SLC25A21: variants seen among roughly 807,000 people sequenced by gnomAD.
SLC25A21 encodes solute carrier family 25 member 21.
Under a neutral mutation model 43.8 loss-of-function variants are expected in SLC25A21, and 47 were observed. The ratio of observed to expected loss-of-function variants is 1.07; its 90% CI spans 0.85 to 1.37. SLC25A21 has a LOEUF of 1.37. SLC25A21 is among the 40% of genes most tolerant of loss of function. SLC25A21 has a pLI of 0.00. For missense variants in SLC25A21, 352 were observed against 350.2 expected (o/e 1.00, Z -0.04); for synonymous variants, 131 against 121.3 (o/e 1.08, Z -0.52).
intron 1 of SLC25A21, among the ~76,000 whole-genome samples, chr14:37,122,203 C>T (rs573350948): frequency 1.3e-5 from 2 of 152,234 alleles, no homozygotes; most frequent in East Asian, 3.9e-4. Context: ...GGAAAATATG[C>T]TTTAGGTTAA....
intron 1 of SLC25A21, among the ~76,000 whole-genome samples, chr14:37,069,295 T>G (rs372178881): frequency 1.3e-4 from 20 of 152,360 alleles, no homozygotes; most frequent in African/African-American, 4.8e-4. Flanking sequence ...AGCACCCATC[T>G]GCACCCACCA....
At chr14:37,080,213 G>A (rs1884777) in intron 1 of SLC25A21, among the ~76,000 whole-genome samples, 37,351 of 152,092 alleles carry the variant, frequency 0.25, 9,635 homozygotes, top group African/African-American at 0.65. Flanking sequence ...AATGCTCAAA[G>A]AAACCCTAAC....
chr14:36,857,255 A>C (rs1443524916), intron 2 of SLC25A21, among the ~76,000 whole-genome samples: 1 of 152,198 alleles, frequency 6.6e-6, no homozygotes, highest in Non-Finnish European at 1.5e-5. Context: ...GGCAGGCCCA[A>C]CACTGGAAAC....
rs371723978 is a variant in SLC25A21, at chr14:36,687,915, T to C, written c.604-2990A>G. Among the ~76,000 whole-genome samples, 268 of 152,312 alleles carry C rather than the reference T, an allele frequency of 1.8e-3. 1 individual carries two copies. Among genetic ancestry groups the C allele is most frequent in the African/African-American group, 6.3e-3 (260 of 41,574 alleles). ...AGATCTGCTTTTGGTATCTCCCTAC[T>C]CAAAGACCCTCCATACTTCCTGGAT... On this transcript the variant is annotated intron_variant, in intron 7 of 9. Transcript: ENST00000331299.
chr14:36,686,473 CTCTGATG>C, intron 7 of SLC25A21, among the ~76,000 whole-genome samples: 1 of 152,264 alleles, frequency 6.6e-6, no homozygotes, highest in East Asian at 1.9e-4. Context: ...GTTGTCTGAC[CTCTGATG>C]AGTCACTGAA....
chr14:37,108,675 C>T (rs1032972075), intron 1 of SLC25A21, among the ~76,000 whole-genome samples: 7 of 151,104 alleles, frequency 4.6e-5, no homozygotes, highest in African/African-American at 1.7e-4. Flanking sequence ...CACCTACATA[C>T]TGGGAATTAA....
chr14:36,912,804 A>G (rs1891729087), intron 1 of SLC25A21, among the ~76,000 whole-genome samples: 2 of 152,240 alleles, frequency 1.3e-5, no homozygotes, highest in South Asian at 4.1e-4. Flanking sequence ...TTAGGTGCCC[A>G]TCTTATCTTG....
intron 1 of SLC25A21, among the ~76,000 whole-genome samples, chr14:37,037,697 A>G (rs1566832785): frequency 6.6e-6 from 1 of 152,054 alleles, no homozygotes; most frequent in Non-Finnish European, 1.5e-5. Flanking sequence ...TATTCTTTAC[A>G]TATTTCACAT....
chr14:36,776,238 C>CT (rs35856297), intron 3 of SLC25A21, among the ~76,000 whole-genome samples: 46,209 of 89,560 alleles, frequency 0.52, 13,848 homozygotes, highest in Non-Finnish European at 0.6. Context: ...TTCTTTCTTT[C>CT]TTTTTTTTTT....
At chr14:37,011,706 T>G (rs914808236) in intron 1 of SLC25A21, among the ~76,000 whole-genome samples, 2 of 152,188 alleles carry the variant, frequency 1.3e-5, no homozygotes, top group Non-Finnish European at 1.5e-5. Flanking sequence ...TGCAAGCATT[T>G]GATATATAGG....
intron 3 of SLC25A21, among the ~76,000 whole-genome samples, chr14:36,737,646 T>C (rs1421495293): frequency 6.6e-6 from 1 of 152,218 alleles, no homozygotes; most frequent in Non-Finnish European, 1.5e-5. Context: ...TGCTGAGGAC[T>C]GCCCCATCAA....
chr14:37,016,734 G>A (rs937118985), intron 1 of SLC25A21, among the ~76,000 whole-genome samples: 14 of 152,052 alleles, frequency 9.2e-5, no homozygotes, highest in African/African-American at 2.7e-4. Flanking sequence ...CATCTACATC[G>A]AAAATCTATT....
At chr14:36,710,941 C>T (rs1163687116) in intron 7 of SLC25A21, among the ~76,000 whole-genome samples, 2 of 152,150 alleles carry the variant, frequency 1.3e-5, no homozygotes, top group Non-Finnish European at 2.9e-5. Flanking sequence ...AAGCTTTCAA[C>T]TTTCTTGAGA....
intron 1 of SLC25A21, among the ~76,000 whole-genome samples, chr14:36,896,999 A>C (rs1179683720): frequency 6.6e-6 from 1 of 152,162 alleles, no homozygotes; most frequent in African/African-American, 2.4e-5. Context: ...ACTTTGGTGA[A>C]TCTGACAATT....
chr14:36,695,255 G>A (rs1254643090), intron 7 of SLC25A21, among the ~76,000 whole-genome samples: 1 of 152,154 alleles, frequency 6.6e-6, no homozygotes, highest in Non-Finnish European at 1.5e-5. Context: ...CCTCTGTTCT[G>A]TTCCATTGGT....
chr14:37,132,643 T>C (rs1738705884), intron 1 of SLC25A21, among the ~76,000 whole-genome samples: 1 of 152,138 alleles, frequency 6.6e-6, no homozygotes, highest in African/African-American at 2.4e-5. Flanking sequence ...TTCAAATTCA[T>C]GTCTCTTTCT....
intron 1 of SLC25A21, among the ~76,000 whole-genome samples, chr14:36,972,986 C>T (rs1959785400): frequency 1.3e-5 from 2 of 151,656 alleles, no homozygotes; most frequent in Non-Finnish European, 2.9e-5. Context: ...GAACACATCA[C>T]TATGCCTGGC....
At chr14:37,027,106 G>A (rs963474460) in intron 1 of SLC25A21, among the ~76,000 whole-genome samples, 21 of 152,110 alleles carry the variant, frequency 1.4e-4, no homozygotes, top group African/African-American at 5.1e-4. Context: ...CGTGTTTATT[G>A]AATTACAAGA....
intron 5 of SLC25A21, among the ~76,000 whole-genome samples, chr14:36,727,738 C>T (rs1884659860): frequency 6.6e-6 from 1 of 151,956 alleles, no homozygotes; most frequent in Non-Finnish European, 1.5e-5. Flanking sequence ...AAATTGCATA[C>T]AGATTCTAGG....
Sources: gnomAD v4.1 joint callset for allele counts (sites outside exome capture counted in the v4.1 genomes callset) on GRCh38, gnomAD v4.1.1 for gene constraint, MANE v1.5 for transcripts, NCBI Gene and HGNC (gene_info 2026-07-23, HGNC 2026-07-21) for gene names.